RSRC1: variants seen among roughly 807,000 people sequenced by gnomAD.
The protein encoded by RSRC1 is serine/Arginine-related protein 53.
Under a neutral mutation model 49.1 loss-of-function variants are expected in RSRC1, and 39 were observed. The observed-to-expected ratio is 0.79, with a 90% confidence interval of 0.61 to 1.04. The LOEUF is 1.04. Ranked by LOEUF, RSRC1 falls within the 50% of genes least tolerant of loss-of-function variation. The pLI, the probability that RSRC1 is intolerant of heterozygous loss-of-function variation, is 0.00. For synonymous variants in RSRC1, 143 were observed against 130.8 expected, an observed-to-expected ratio of 1.09 and a Z score of -0.63; for missense variants, 388 against 402.4, an observed-to-expected ratio of 0.96 and a Z score of 0.31.
chr3:158,529,214 G>GTGTGTATATATATATATATATATATATA (rs374368016), intron 7 of RSRC1, among the ~76,000 whole-genome samples: 37 of 143,120 alleles, frequency 2.6e-4, no homozygotes, highest in African/African-American at 9.5e-4. Flanking sequence ...ATGTGTGTGT[G>GTGTGTATATATATATATATATATATATA]TATATATATA....
At chr3:158,517,755 ATTTTTTTTTTTTTTTTT>A (rs766129663) in intron 7 of RSRC1, among the ~76,000 whole-genome samples, 148 of 35,188 alleles carry the variant, frequency 4.2e-3, no homozygotes, top group African/African-American at 0.012. Context: ...CACCCAGCTA[ATTTTTTTTTTTTTTTTT>A]TTTTTTTTTT....
intron 4 of RSRC1, among the ~76,000 whole-genome samples, chr3:158,255,458 T>G (rs528978287): frequency 0.016 from 2,468 of 152,202 alleles, 88 homozygotes; most frequent in African/African-American, 0.056. Flanking sequence ...TGCTGTTTTG[T>G]TTACTGTAGC....
chr3:158,433,213 C>T lies in RSRC1; in HGVS notation c.584-27722C>T, dbSNP rs185575224. Among the ~76,000 whole-genome samples the T allele has an allele frequency of 3.2e-3, 487 of 152,002 alleles. 3 individuals carry two copies. The highest frequency in any genetic ancestry group is 0.011 in the African/African-American group (458 of 41,508). On this transcript the variant is annotated intron_variant, in intron 6 of 9. Transcript: ENST00000611884. ...TAGCTTATTTAACACAGAAACTATACGTATTTTTTCTTGTGGCAAAATACT... is the reference window on the plus strand; with the variant it reads ...TAGCTTATTTAACACAGAAACTATATGTATTTTTTCTTGTGGCAAAATACT...
At chr3:158,326,592 G>A (rs771009431) in intron 5 of RSRC1, among the ~76,000 whole-genome samples, 13 of 152,120 alleles carry the variant, frequency 8.5e-5, no homozygotes, top group Non-Finnish European at 1.5e-4. Flanking sequence ...ACTAGATCAT[G>A]GTGGATAAGC....
chr3:158,523,250 A>G (rs531434305), intron 7 of RSRC1, among the ~76,000 whole-genome samples: 1 of 152,122 alleles, frequency 6.6e-6, no homozygotes, highest in East Asian at 1.9e-4. Context: ...TTGCATCCTA[A>G]TGCTAAATCT....
intron 4 of RSRC1, among the ~76,000 whole-genome samples, chr3:158,294,097 C>G (rs1307679795): frequency 2.0e-5 from 3 of 152,072 alleles, no homozygotes; most frequent in Non-Finnish European, 4.4e-5. Context: ...ATTATTTCTT[C>G]AAATATTTCT....
intron 3 of RSRC1, among the ~76,000 whole-genome samples, chr3:158,187,996 A>G (rs1425251947): frequency 6.6e-6 from 1 of 151,980 alleles, no homozygotes; most frequent in African/African-American, 2.4e-5. Context: ...ATAGTATAAT[A>G]AACTCTCATG....
intron 6 of RSRC1, among the ~76,000 whole-genome samples, chr3:158,429,063 G>A (rs1735623628): frequency 4.6e-5 from 7 of 151,856 alleles, no homozygotes. Flanking sequence ...AGAGGGAGCA[G>A]CGCCCTAGCA....
At chr3:158,426,550 A>T (rs564195994) in intron 6 of RSRC1, among the ~76,000 whole-genome samples, 3 of 151,866 alleles carry the variant, frequency 2.0e-5, no homozygotes, top group African/African-American at 7.2e-5. Flanking sequence ...CTACCAGATG[A>T]TAATAAGAAT....
chr3:158,252,731 G>A (rs146389990), intron 4 of RSRC1, among the ~76,000 whole-genome samples: 30 of 152,210 alleles, frequency 2.0e-4, no homozygotes, highest in Admixed American at 5.9e-4. Flanking sequence ...TTCTTTACCG[G>A]GAGACTTTTT....
At chr3:158,196,817 A>G (rs1720651870) in intron 3 of RSRC1, among the ~76,000 whole-genome samples, 1 of 152,122 alleles carries the variant, frequency 6.6e-6, no homozygotes, top group Admixed American at 6.5e-5. Context: ...TGATTTGTGT[A>G]TGTTGAACCA....
At chr3:158,538,956 A>G (rs1335311297) in intron 8 of RSRC1, among the ~76,000 whole-genome samples, 1 of 151,996 alleles carries the variant, frequency 6.6e-6, no homozygotes, top group Non-Finnish European at 1.5e-5. Flanking sequence ...TAAAATATCT[A>G]TATCTGCAAT....
intron 4 of RSRC1, among the ~76,000 whole-genome samples, chr3:158,257,988 T>G (rs1020074852): frequency 1.3e-5 from 2 of 152,134 alleles, no homozygotes; most frequent in Admixed American, 1.3e-4. Flanking sequence ...TATTGATAGC[T>G]TATTTTACTG....
chr3:158,408,249 G>A (rs368603566), intron 6 of RSRC1, among the ~76,000 whole-genome samples: 5 of 152,126 alleles, frequency 3.3e-5, no homozygotes, highest in South Asian at 4.1e-4. Flanking sequence ...TTTAGCTGTC[G>A]TTTTTAGAGA....
intron 6 of RSRC1, among the ~76,000 whole-genome samples, chr3:158,453,231 G>GGCTAAAGATACA (rs1737141513): frequency 1.3e-5 from 2 of 151,724 alleles, no homozygotes; most frequent in African/African-American, 4.9e-5. Context: ...TCAAACTCTT[G>GGCTAAAGATACA]TGCACACATT....
intron 7 of RSRC1, among the ~76,000 whole-genome samples, chr3:158,484,919 A>G (rs745440485): frequency 6.6e-6 from 1 of 152,078 alleles, no homozygotes; most frequent in Non-Finnish European, 1.5e-5. Context: ...TAGAACATAA[A>G]ATATAAGATG....
At chr3:158,175,485 T>A (rs1349758667) in intron 3 of RSRC1, among the ~76,000 whole-genome samples, 1 of 151,850 alleles carries the variant, frequency 6.6e-6, no homozygotes, top group Non-Finnish European at 1.5e-5. Flanking sequence ...ATGGTATGAT[T>A]TTTTTTTGAT....
chr3:158,235,763 C>T lies in RSRC1; in HGVS notation c.494+32518C>T, dbSNP rs182448473. ...AAATGGTTTTTAAAATAATGTTTTTCAGTTTATAAACAAGATGCAAAAAGT... is the reference window on the plus strand; with the variant it reads ...AAATGGTTTTTAAAATAATGTTTTTTAGTTTATAAACAAGATGCAAAAAGT... On this transcript the variant is annotated intron_variant, in intron 4 of 9. Transcript: ENST00000611884. Among the ~76,000 whole-genome samples, 651 of 152,172 alleles carry T rather than the reference C, an allele frequency of 4.3e-3. 5 individuals carry two copies. Among genetic ancestry groups the T allele is most frequent in the African/African-American group, 0.014 (572 of 41,510 alleles).
chr3:158,410,605 C>T (rs555110156), intron 6 of RSRC1, among the ~76,000 whole-genome samples: 6 of 152,222 alleles, frequency 3.9e-5, no homozygotes, highest in African/African-American at 1.4e-4. Context: ...AGCATAGTTC[C>T]TAGCATATAG....
Sources: allele counts gnomAD v4.1 joint callset (sites outside exome capture counted in the v4.1 genomes callset), GRCh38; gene constraint gnomAD v4.1.1; transcripts MANE v1.5; gene names NCBI Gene and HGNC (gene_info 2026-07-23, HGNC 2026-07-21).